The following MAP3K1 variants were observed in gnomAD, a reference collection of about 807,000 sequenced individuals.
MAP3K1 encodes mitogen-activated protein kinase kinase kinase 1, also known as MAP/ERK kinase kinase 1.
A neutral mutation model predicts 144.2 loss-of-function variants in MAP3K1; 36 were observed. The observed-to-expected ratio is 0.25, with a 90% CI of 0.19 to 0.33. The LOEUF (loss-of-function observed/expected upper bound fraction) is 0.33. Among genes scored for constraint, MAP3K1 ranks in the 10% least tolerant of loss-of-function variants. MAP3K1 has a pLI of 1.00. For missense variants in MAP3K1, 1,650 were observed against 1,881.9 expected (o/e 0.88, Z 2.28); for synonymous variants, 718 against 688.7 (o/e 1.04, Z -0.67).
rs749806202 is a variant in MAP3K1 at position 56,882,851 on chromosome 5, C to T, written c.3651C>T (p.Ile1217=). ...AGGTTGAAAATGGAGAAGATATCAT[C>T]ATTATTCAACAGGATGTAAGTATAG... The part of the protein sequence containing the change: ...QLQVENGEDI[I]IIQQDTPETL... Residue 1217 remains isoleucine (I), a synonymous_variant, in exon 14 of 20, where the codon ATC becomes ATT. Coordinates refer to ENST00000399503, the MANE Select transcript of MAP3K1 (RefSeq NM_005921.2). 3.7e-6 allele frequency: 6 copies of T among 1,609,162 alleles called. No individual in the cohort carries two copies. In the African/African-American group the frequency reaches 8.0e-5, roughly 21 times the overall value.
In MAP3K1 at chr5:56,887,517, T is replaced by A; in HGVS notation, c.4254T>A (p.Pro1418=). The A allele has an allele frequency of 6.2e-7, 1 of 1,614,138 alleles. No homozygotes were observed. The highest frequency in any genetic ancestry group is 8.5e-7 in the Non-Finnish European group (1 of 1,179,972). ...QLLGTIAFMA[P]EVLRGQQYGR... is the part of the protein sequence containing the mutation. ...TGGGGACAATTGCATTTATGGCACCTGAGGTGAGAAGCATCTTTGAGTGTG... is the reference window on the plus strand; with the variant it reads ...TGGGGACAATTGCATTTATGGCACCAGAGGTGAGAAGCATCTTTGAGTGTG... Residue 1418 remains proline, a synonymous_variant, in exon 18 of 20, where the codon CCT becomes CCA. Coordinates refer to ENST00000399503, the MANE Select transcript of MAP3K1 (RefSeq NM_005921.2).
At chr5:56,855,339 C>T (rs984291362) in intron 1 of MAP3K1, among the ~76,000 whole-genome samples, 1 of 152,022 alleles carries the variant, frequency 6.6e-6, no homozygotes, top group African/African-American at 2.4e-5. Flanking sequence ...TTCTATATAA[C>T]AGTATTTGTG....
intron 5 of MAP3K1, 119 bp from the exon 6 acceptor site, chr5:56,865,710 C>A: frequency 9.8e-7 from 1 of 1,018,490 alleles, no homozygotes; most frequent in Non-Finnish European, 1.5e-6. Flanking sequence ...ATTTTTGAAG[C>A]TCTTAAATCA....
At position 56,871,856 on chromosome 5, in the gene MAP3K1, C is replaced by T. The variant is rs201991769; in HGVS notation, c.1302-54C>T. On this transcript the variant is annotated intron_variant, in intron 6 of 19. Coordinates refer to ENST00000399503, the MANE Select transcript of MAP3K1 (RefSeq NM_005921.2). ...AAGCAGAAAGTGTTTTTAGCATATC[C>T]GTTCTACTTTATATTCTTTTATGCT... 4.9e-4 allele frequency: 761 copies of T among 1,563,836 alleles called. 4 individuals are homozygous for T. Among genetic ancestry groups the T allele is most frequent in the Admixed American group, 1.1e-3 (64 of 59,832 alleles).
In MAP3K1 at chr5:56,859,749, C is replaced by G. The variant is rs1747447361; in HGVS notation, c.668C>G (p.Ser223Cys). 6.2e-7 allele frequency: 1 copy of G among 1,613,860 alleles called. No individual in the cohort carries two copies. Among genetic ancestry groups the G allele is most frequent in the African/African-American group, 1.3e-5 (1 of 74,884 alleles). Reference protein sequence around the residue: ...VKPIPVKGDGSEMNHLAAESP... With the variant: ...VKPIPVKGDGCEMNHLAAESP... Reference sequence around the variant, plus strand: ...CCAATCCCAGTTAAAGGAGATGGATCTGAAATGAATCACTTAGCAGCTGAG... The same window carrying G: ...CCAATCCCAGTTAAAGGAGATGGATGTGAAATGAATCACTTAGCAGCTGAG... The change falls in exon 3 of 20, where the codon TCT (serine) becomes TGT (cysteine). Residue 223 changes from serine to cysteine, a missense_variant. By Grantham distance (112) the Ser-to-Cys change is moderately radical (BLOSUM62 -1). Around this residue, in one of 6 missense-constraint regions of MAP3K1, gnomAD observed 148 missense variants for 177.2 expected, o/e 0.84. Coordinates refer to ENST00000399503, the MANE Select transcript of MAP3K1 (RefSeq NM_005921.2).
intron 19 of MAP3K1, among the ~76,000 whole-genome samples, chr5:56,889,164 G>A (rs992507261): frequency 4.6e-5 from 7 of 151,938 alleles, no homozygotes; most frequent in Non-Finnish European, 8.8e-5. Flanking sequence ...TCTTTTGTTC[G>A]TTTGTTTTTT....
intron 1 of MAP3K1, among the ~76,000 whole-genome samples, chr5:56,846,997 A>G (rs546222249): frequency 1.9e-4 from 24 of 124,514 alleles, no homozygotes; most frequent in African/African-American, 5.8e-4. Context: ...TGCCAGCTAC[A>G]TTTCTGAGAG....
At chr5:56,827,305 C>T (rs78341859) in intron 1 of MAP3K1, among the ~76,000 whole-genome samples, 2 of 152,272 alleles carry the variant, frequency 1.3e-5, no homozygotes, top group Non-Finnish European at 2.9e-5. Flanking sequence ...ATAAAAAAGC[C>T]TTTGTAATTT....
At chr5:56,844,182 GGTTTTTT>G (rs1375712601) in intron 1 of MAP3K1, among the ~76,000 whole-genome samples, 6 of 108,404 alleles carry the variant, frequency 5.5e-5, no homozygotes, top group African/African-American at 2.0e-4. Flanking sequence ...TGTTTTTTTT[GGTTTTTT>G]TTTTTTTTTT....
intron 6 of MAP3K1, among the ~76,000 whole-genome samples, chr5:56,870,223 C>T (rs1315847615): frequency 6.6e-6 from 1 of 152,146 alleles, no homozygotes; most frequent in African/African-American, 2.4e-5. Context: ...GCTTAGCAGA[C>T]TCTGAAATTT....
At chr5:56,847,776 G>T (rs1579740083) in intron 1 of MAP3K1, among the ~76,000 whole-genome samples, 1 of 152,094 alleles carries the variant, frequency 6.6e-6, no homozygotes, top group East Asian at 1.9e-4. Context: ...ACTTAATAAT[G>T]TATTCTCTGC....
chr5:56,856,036 T>G (rs1380381226), intron 1 of MAP3K1, among the ~76,000 whole-genome samples: 1 of 152,226 alleles, frequency 6.6e-6, no homozygotes, highest in East Asian at 1.9e-4. Flanking sequence ...CAAATGTTTG[T>G]ACTGGATAAT....
At chr5:56,872,279 GA>G (rs1474252172) in intron 7 of MAP3K1, among the ~76,000 whole-genome samples, 2 of 152,158 alleles carry the variant, frequency 1.3e-5, no homozygotes, top group African/African-American at 2.4e-5. Context: ...GAAGTGCACA[GA>G]ATTAGAAACA....
At chr5:56,846,924 G>A (rs1426767464) in intron 1 of MAP3K1, among the ~76,000 whole-genome samples, 1 of 152,166 alleles carries the variant, frequency 6.6e-6, no homozygotes, top group Non-Finnish European at 1.5e-5. Flanking sequence ...GCTTAGTAAT[G>A]TGTATTGGAT....
intron 6 of MAP3K1, among the ~76,000 whole-genome samples, chr5:56,871,123 ATAAT>A (rs893948423): frequency 2.6e-5 from 4 of 152,192 alleles, no homozygotes; most frequent in African/African-American, 7.2e-5. Context: ...TATATGCAAT[ATAAT>A]TAACCATTAT....
At chr5:56,869,067 A>G in intron 6 of MAP3K1, among the ~76,000 whole-genome samples, 1 of 151,834 alleles carries the variant, frequency 6.6e-6, no homozygotes, top group Non-Finnish European at 1.5e-5. Flanking sequence ...TGGGCAACAT[A>G]GTGTGACCCT....
At chr5:56,819,631 A>C (rs1244017420) in intron 1 of MAP3K1, among the ~76,000 whole-genome samples, 2 of 151,856 alleles carry the variant, frequency 1.3e-5, no homozygotes, top group Non-Finnish European at 2.9e-5. Flanking sequence ...TTTGTACTCC[A>C]GTCATCTTCT....
chr5:56,885,909 T>C, intron 16 of MAP3K1, 23 bp from the exon 17 acceptor site: 1 of 1,607,824 alleles, frequency 6.2e-7, no homozygotes, highest in Non-Finnish European at 8.5e-7. Flanking sequence ...AAGTTTATGA[T>C]AATTATTTCT....
intron 1 of MAP3K1, among the ~76,000 whole-genome samples, chr5:56,827,452 A>G (rs1283270305): frequency 6.6e-6 from 1 of 152,340 alleles, no homozygotes; most frequent in South Asian, 2.1e-4. Flanking sequence ...ATGTAGTTTC[A>G]GAGGTTCACA....
Sources: allele counts gnomAD v4.1 joint callset (sites outside exome capture counted in the v4.1 genomes callset), GRCh38; gene constraint gnomAD v4.1.1; regional missense constraint gnomAD v4.1.1; transcripts MANE v1.5; gene names NCBI Gene and HGNC (gene_info 2026-07-23, HGNC 2026-07-21).